Variants in MPZL1 observed in about 807,000 individuals in gnomAD.
The protein encoded by MPZL1 is myelin protein zero-like protein 1.
In MPZL1, 16 loss-of-function variants were observed where a neutral mutation model predicts 29.3. That is an observed-to-expected ratio of 0.55 (90% CI 0.37 to 0.83). The LOEUF (loss-of-function observed/expected upper bound fraction) is 0.83, where lower values mean the gene tolerates loss of function less well. Among genes scored for constraint, MPZL1 ranks in the 40% least tolerant of loss-of-function variants. The pLI, the probability that MPZL1 is intolerant of heterozygous loss-of-function variation, is 0.00. For synonymous variants in MPZL1, 143 were observed against 132.0 expected (o/e 1.08, Z -0.57); for missense variants, 279 against 332.9 (o/e 0.84, Z 1.26).
chr1:167,736,955 A>T (rs1351555709), intron 1 of MPZL1, among the ~76,000 whole-genome samples: 1 of 152,112 alleles, frequency 6.6e-6, no homozygotes, highest in African/African-American at 2.4e-5. Flanking sequence ...TTTCTGCATA[A>T]TACTGCTGTT....
At chr1:167,772,538 T>C (rs369519139) in intron 3 of MPZL1, 50 bp downstream of exon 3, 13 of 1,508,908 alleles carry the variant, frequency 8.6e-6, no homozygotes, top group African/African-American at 5.6e-5. Context: ...CTTTATCTCA[T>C]GTTTGGTTGG....
intron 2 of MPZL1, among the ~76,000 whole-genome samples, chr1:167,771,224 G>A (rs1661241097): frequency 6.6e-6 from 1 of 152,106 alleles, no homozygotes; most frequent in South Asian, 2.1e-4. Context: ...TCAAGCATCT[G>A]TTTAACAAAG....
chr1:167,748,267 A>G (rs2101765084), intron 1 of MPZL1, among the ~76,000 whole-genome samples: 1 of 152,308 alleles, frequency 6.6e-6, no homozygotes, highest in South Asian at 2.1e-4. Flanking sequence ...TCAACAATGT[A>G]GAGAGTTCTA....
At chr1:167,767,854 ATTTTGTTTTG>A (rs61669633) in intron 2 of MPZL1, among the ~76,000 whole-genome samples, 1,275 of 117,100 alleles carry the variant, frequency 0.011, 8 homozygotes, top group Middle Eastern at 0.039. Flanking sequence ...TTTTGTAATC[ATTTTGTTTTG>A]TTTTGTTTTG....
chr1:167,754,682 C>T (rs1345878812), intron 1 of MPZL1, among the ~76,000 whole-genome samples: 2 of 152,146 alleles, frequency 1.3e-5, no homozygotes, highest in Non-Finnish European at 2.9e-5. Context: ...CTGCTTCAGG[C>T]ATGGTCTTAT....
chr1:167,761,586 C>G (rs1660989313), intron 1 of MPZL1, among the ~76,000 whole-genome samples: 1 of 152,002 alleles, frequency 6.6e-6, no homozygotes, highest in Admixed American at 6.6e-5. Context: ...GAGTGAGAAA[C>G]CAGAGGAAGT....
chr1:167,775,850 G>C lies in MPZL1; in HGVS notation c.606-214G>C, dbSNP rs191714249. ...CATATTTGTTTCTGTGCCTCCCCCA[G>C]TGATGAGTTCATTGACTTAGAAGAA... is the stretch of plus-strand genomic sequence containing the variant. On this transcript the variant is annotated intron_variant, in intron 4 of 5. Coordinates refer to ENST00000359523, the MANE Select transcript of MPZL1 (RefSeq NM_003953.6). Among the ~76,000 whole-genome samples, 23 of 152,286 alleles carry C rather than the reference G, an allele frequency of 1.5e-4. No homozygotes were observed. The East Asian group carries it at 2.9e-3, about 19-fold the overall frequency.
In MPZL1 at chr1:167,758,325, A is replaced by G. The variant is rs994611156; in HGVS notation, c.92-7258A>G. Reference sequence around the variant, plus strand: ...AATAATACTGCCACAGTGTATTTCAAATTATTTTATGGTATGAGAGTTTGA... The same window carrying G: ...AATAATACTGCCACAGTGTATTTCAGATTATTTTATGGTATGAGAGTTTGA... On this transcript the variant is annotated intron_variant, in intron 1 of 5. Coordinates refer to ENST00000359523, the MANE Select transcript of MPZL1 (RefSeq NM_003953.6). Among the ~76,000 whole-genome samples the G allele has an allele frequency of 5.9e-5, 9 of 152,258 alleles. No homozygotes were observed. The South Asian group carries it at 1.0e-3, about 18-fold the overall frequency.
chr1:167,734,470 C>T (rs1484189234), intron 1 of MPZL1, among the ~76,000 whole-genome samples: 2 of 152,066 alleles, frequency 1.3e-5, no homozygotes, highest in Non-Finnish European at 1.5e-5. Context: ...GATTAGTGGG[C>T]CCATATCAGT....
In MPZL1 at chr1:167,789,019, C is replaced by T. The variant is rs1376651472; in HGVS notation, c.*1098C>T. 6.6e-6 allele frequency: 1 copy of T among 151,888 alleles called. No individual in the cohort carries two copies. Among genetic ancestry groups the T allele is most frequent in the Non-Finnish European group, 1.5e-5 (1 of 68,000 alleles). The allele number at this position is 151,888 out of a possible 1,614,324, so 9.4% of individuals were successfully genotyped here. On this transcript the variant is annotated 3_prime_UTR_variant, in exon 6 of 6. Transcript: ENST00000359523. ...TTGCACCACTGCAGCTGGCAAGAAT[C>T]ACCTTCTTTATAAAGCGTCAGTCAT... is the stretch of plus-strand genomic sequence containing the variant.
At chr1:167,758,634 A>C (rs1660919843) in intron 1 of MPZL1, among the ~76,000 whole-genome samples, 1 of 152,178 alleles carries the variant, frequency 6.6e-6, no homozygotes, top group East Asian at 1.9e-4. Flanking sequence ...CCCTAGTCAG[A>C]TGATTCCACA....
At chr1:167,730,357 C>T (rs1434599149) in intron 1 of MPZL1, among the ~76,000 whole-genome samples, 1 of 152,070 alleles carries the variant, frequency 6.6e-6, no homozygotes, top group African/African-American at 2.4e-5. Flanking sequence ...CCACTCAGCG[C>T]AGTCTCCACC....
At chr1:167,738,415 T>C (rs905757182) in intron 1 of MPZL1, among the ~76,000 whole-genome samples, 4 of 152,318 alleles carry the variant, frequency 2.6e-5, no homozygotes, top group Non-Finnish European at 5.9e-5. Context: ...AAATAAGATG[T>C]CCGTGTAACT....
At position 167,725,929 on chromosome 1, in the gene MPZL1, G is replaced by C. The variant is rs575780184; in HGVS notation, c.91+3687G>C. 2.7e-4 allele frequency among the ~76,000 whole-genome samples: 41 copies of C among 152,322 alleles called. 1 individual carries two copies. In the South Asian group the frequency reaches 8.5e-3, roughly 32 times the overall value. ...CCACGCCCAGTACTCATCTTGGTTC[G>C]TTTTAATCCATTCTTCACAAAACTG... On this transcript the variant is annotated intron_variant, in intron 1 of 5. Transcript: ENST00000359523.
intron 1 of MPZL1, among the ~76,000 whole-genome samples, chr1:167,740,937 T>A (rs1002579230): frequency 2.0e-5 from 3 of 152,240 alleles, no homozygotes; most frequent in Non-Finnish European, 4.4e-5. Flanking sequence ...AAGTCCTGTA[T>A]GTCATCCCTT....
At chr1:167,773,524 G>A (rs1211575406) in intron 4 of MPZL1, 156 bp downstream of exon 4, 4 of 806,650 alleles carry the variant, frequency 5.0e-6, no homozygotes, top group Non-Finnish European at 7.3e-6. Context: ...TCTAACATGG[G>A]CAAGTGGAAA....
chr1:167,773,009 G>C (rs986140922), intron 3 of MPZL1, among the ~76,000 whole-genome samples: 1 of 152,178 alleles, frequency 6.6e-6, no homozygotes, highest in Non-Finnish European at 1.5e-5. Context: ...CACTGAGAGG[G>C]ATTGTAGGTG....
chr1:167,784,607 C>A (rs1366453395), intron 5 of MPZL1, among the ~76,000 whole-genome samples: 1 of 152,176 alleles, frequency 6.6e-6, no homozygotes, highest in Non-Finnish European at 1.5e-5. Flanking sequence ...CCTTCCACCT[C>A]TAAATAGCAC....
chr1:167,778,270 G>A lies in MPZL1; in HGVS notation c.708+2104G>A, dbSNP rs553573290. On this transcript the variant is annotated intron_variant, in intron 5 of 5. Coordinates refer to ENST00000359523, the MANE Select transcript of MPZL1 (RefSeq NM_003953.6). ...TGGGAGGCAGAGGTTGCAGTAAGCC[G>A]AGATCACACCACTGGCACTCCAGCC... Among the ~76,000 whole-genome samples, 9 of 150,468 alleles carry A rather than the reference G, an allele frequency of 6.0e-5. No homozygotes were observed. The South Asian group carries it at 1.9e-3, about 32-fold the overall frequency.
Sources: allele counts gnomAD v4.1 joint callset (sites outside exome capture counted in the v4.1 genomes callset), GRCh38; gene constraint gnomAD v4.1.1; transcripts MANE v1.5; gene names NCBI Gene and HGNC (gene_info 2026-07-23, HGNC 2026-07-21).